LAMA2: variants seen among roughly 807,000 people sequenced by gnomAD.
LAMA2 encodes laminin subunit alpha 2.
Under a neutral mutation model 364.8 loss-of-function variants are expected in LAMA2, and 269 were observed. That is an observed-to-expected ratio of 0.74 (90% CI 0.67 to 0.82). LAMA2 has a LOEUF of 0.82. Among genes scored for constraint, LAMA2 ranks in the 40% least tolerant of loss-of-function variants. The pLI, the probability that LAMA2 is intolerant of heterozygous loss-of-function variation, is 0.00. For synonymous variants in LAMA2, 1,379 were observed against 1,370.6 expected (o/e 1.01, Z -0.14); for missense variants, 3,807 against 3,873.2 (o/e 0.98, Z 0.45).
intron 1 of LAMA2, among the ~76,000 whole-genome samples, chr6:128,970,880 T>C (rs1291176383): frequency 3.3e-5 from 5 of 152,198 alleles, no homozygotes; most frequent in African/African-American, 9.6e-5. Context: ...GTGTCTCTAG[T>C]GAGAGGTACT....
intron 29 of LAMA2, among the ~76,000 whole-genome samples, chr6:129,339,998 TC>T (rs1341355688): frequency 1.6e-5 from 2 of 123,532 alleles, no homozygotes; most frequent in East Asian, 4.3e-4. Flanking sequence ...CGAGACTGTC[TC>T]AAAAAAAAAA....
intron 9 of LAMA2, among the ~76,000 whole-genome samples, chr6:129,172,995 C>G (rs533126069): frequency 2.1e-4 from 32 of 152,382 alleles, no homozygotes; most frequent in African/African-American, 7.7e-4. Context: ...ACCCCTTGCG[C>G]TTCCCAAGTG....
intron 34 of LAMA2, among the ~76,000 whole-genome samples, chr6:129,374,595 T>A (rs1474676350): frequency 1.3e-5 from 2 of 151,094 alleles, no homozygotes; most frequent in Non-Finnish European, 3.0e-5. Context: ...TTTTTTTTTT[T>A]AAACAGAGTT....
At chr6:129,118,240 T>C (rs573150715) in intron 4 of LAMA2, among the ~76,000 whole-genome samples, 13 of 152,344 alleles carry the variant, frequency 8.5e-5, no homozygotes, top group African/African-American at 3.1e-4. Context: ...CAGAGGTGAT[T>C]GTGTCTAATA....
At chr6:129,513,374 A>G (rs1419984072) in intron 63 of LAMA2, among the ~76,000 whole-genome samples, 4 of 152,144 alleles carry the variant, frequency 2.6e-5, no homozygotes, top group Non-Finnish European at 5.9e-5. Context: ...TTTCAAACAT[A>G]CTTTTACTAC....
intron 28 of LAMA2, among the ~76,000 whole-genome samples, chr6:129,323,025 A>G (rs1450900673): frequency 6.6e-6 from 1 of 152,224 alleles, no homozygotes; most frequent in African/African-American, 2.4e-5. Context: ...CTATTTACAG[A>G]CAGTAATTGC....
intron 30 of LAMA2, among the ~76,000 whole-genome samples, chr6:129,348,719 A>G (rs1776697443): frequency 6.6e-6 from 1 of 152,170 alleles, no homozygotes; most frequent in Non-Finnish European, 1.5e-5. Context: ...CTTTCCTCAC[A>G]CTGAATCACA....
At chr6:129,410,140 T>G (rs1307127341) in intron 40 of LAMA2, among the ~76,000 whole-genome samples, 1 of 152,180 alleles carries the variant, frequency 6.6e-6, no homozygotes, top group Non-Finnish European at 1.5e-5. Context: ...TAATGCAGAA[T>G]GAATTCCATA....
At chr6:129,038,707 C>A (rs915325817) in intron 1 of LAMA2, among the ~76,000 whole-genome samples, 2 of 152,190 alleles carry the variant, frequency 1.3e-5, no homozygotes, top group Non-Finnish European at 2.9e-5. Context: ...GTCACATGTA[C>A]ATGCCCTAAC....
At chr6:129,438,525 T>C (rs1781943695) in intron 41 of LAMA2, 121 bp from the exon 42 acceptor site, 1 of 602,390 alleles carries the variant, frequency 1.7e-6, no homozygotes, top group Non-Finnish European at 3.0e-6. Context: ...TGCCAATAAA[T>C]TAAATACATT....
At chr6:128,923,251 C>T (rs945996698) in intron 1 of LAMA2, among the ~76,000 whole-genome samples, 5 of 151,408 alleles carry the variant, frequency 3.3e-5, no homozygotes, top group Non-Finnish European at 7.4e-5. Flanking sequence ...TGAAGAAAGT[C>T]ATTGGTAGCT....
chr6:129,458,662 C>T (rs2114798474), intron 48 of LAMA2, among the ~76,000 whole-genome samples: 1 of 152,032 alleles, frequency 6.6e-6, no homozygotes. Flanking sequence ...TCAGGGGCTC[C>T]GATCAACAAT....
Position 129,512,398 on chromosome 6 carries a change from G to T in LAMA2, c.8893G>T (p.Glu2965Ter). ...GFKVGLDLLV[E>*]FEFRTTTTTG... is the part of the protein sequence containing the mutation. ...CAAAGTGGGATTGGACCTTCTTGTA[G>T]AATTTGAATTCCGCACAACTACAAC... The change falls in exon 63 of 65, where the codon GAA becomes TAA. Residue 2965 changes from glutamate (E) to a stop codon, truncating the protein, a stop_gained. Transcript: ENST00000421865. LOFTEE classifies it high-confidence loss of function. 1 of 1,613,454 alleles carries T rather than the reference G, an allele frequency of 6.2e-7. No homozygotes were observed. The highest frequency in any genetic ancestry group is 8.5e-7 in the Non-Finnish European group (1 of 1,179,496).
At chr6:129,107,912 G>A (rs1242451181) in intron 4 of LAMA2, among the ~76,000 whole-genome samples, 1 of 152,120 alleles carries the variant, frequency 6.6e-6, no homozygotes, top group Non-Finnish European at 1.5e-5. Context: ...AAGCTCAGGA[G>A]TCCCCCCTCC....
chr6:129,393,189 C>A lies in LAMA2; in HGVS notation c.5379C>A (p.Ala1793=), dbSNP rs2114674883. ...ATGCTTGGGACCTTTTGAGAGAAGC[C>A]ACAGATAAAATCAGAGAAGCTAATC... is the stretch of plus-strand genomic sequence containing the variant. ...VDDAWDLLRE[A]TDKIREANRL... The change falls in exon 37 of 65, where the codon GCC becomes GCA. Residue 1793 remains alanine (A), a synonymous_variant. Transcript: ENST00000421865. The A allele has an allele frequency of 6.2e-7, 1 of 1,614,012 alleles. No homozygotes were observed. The highest frequency in any genetic ancestry group is 1.1e-5 in the South Asian group (1 of 91,064).
chr6:129,132,502 T>C (rs923902623), intron 4 of LAMA2, among the ~76,000 whole-genome samples: 2 of 152,162 alleles, frequency 1.3e-5, no homozygotes, highest in Non-Finnish European at 2.9e-5. Context: ...GAAAATTGGA[T>C]ATGGATAAGA....
At chr6:129,317,726 A>C (rs1371357313) in intron 27 of LAMA2, among the ~76,000 whole-genome samples, 1 of 152,210 alleles carries the variant, frequency 6.6e-6, no homozygotes, top group African/African-American at 2.4e-5. Context: ...TAATTTCGTG[A>C]GTTTGCAAAT....
intron 32 of LAMA2, among the ~76,000 whole-genome samples, chr6:129,353,601 C>T (rs950887521): frequency 2.0e-5 from 3 of 152,068 alleles, no homozygotes; most frequent in African/African-American, 4.8e-5. Flanking sequence ...CATTGAAAGA[C>T]CTACAATGAA....
rs143987295 is a variant in LAMA2, at chr6:129,308,212, A to G, written c.3175-4649A>G. On this transcript the variant is annotated intron_variant, in intron 22 of 64. Coordinates refer to ENST00000421865, the MANE Select transcript of LAMA2 (RefSeq NM_000426.4). ...GCAAGAGAGCTACATTTTTAGAAAG[A>G]AATCAAAAACTCCTCAGAATTTCAA... 5.9e-4 allele frequency among the ~76,000 whole-genome samples: 90 copies of G among 152,346 alleles called. No homozygotes were observed. In the East Asian group the frequency reaches 0.016, roughly 26 times the overall value.
Sources: allele counts gnomAD v4.1 joint callset (sites outside exome capture counted in the v4.1 genomes callset), GRCh38; gene constraint gnomAD v4.1.1; transcripts MANE v1.5; gene names NCBI Gene and HGNC (gene_info 2026-07-23, HGNC 2026-07-21).